The following USP30 variants were observed in gnomAD, a reference collection of about 807,000 sequenced individuals.
The protein encoded by USP30 is ubiquitin carboxyl-terminal hydrolase 30.
In USP30, 41 loss-of-function variants were observed where a neutral mutation model predicts 68.2. The observed-to-expected ratio is 0.60, with a 90% CI of 0.47 to 0.78. USP30 has a LOEUF of 0.78. Ranked by LOEUF, USP30 falls within the 30% of genes least tolerant of loss-of-function variation. The probability of loss-of-function intolerance (pLI) is 0.00; values close to 1 mark genes in which losing one functional copy is unlikely to be tolerated. For missense variants in USP30, 522 were observed against 649.4 expected, an observed-to-expected ratio of 0.80 and a Z score of 2.13; for synonymous variants, 229 against 253.7, an observed-to-expected ratio of 0.90 and a Z score of 0.93.
Position 109,057,926 on chromosome 12 carries a change from G to A in USP30, c.194G>A (p.Gly65Glu), listed in dbSNP as rs151089144. 203 of 1,604,550 alleles carry A rather than the reference G, an allele frequency of 1.3e-4. No homozygotes were observed. In the Middle Eastern group the frequency reaches 2.0e-3, roughly 16 times the overall value. The change falls in exon 3 of 13, where the codon GGG (glycine) becomes GAG (glutamate). Residue 65 changes from glycine to glutamate, a missense_variant and splice_region_variant. Gly to Glu is a moderately conservative substitution (Grantham distance 98). Coordinates refer to ENST00000257548, the MANE Select transcript of USP30 (RefSeq NM_032663.5). ...CTTCTTCCCCCTGCTTTTTTTTTAG[G>A]GCTTGTGCCTGGCCTTGTTAATTTA... ...PITERKKRRK[G>E]LVPGLVNLGN... is the part of the protein sequence containing the mutation.
At chr12:109,027,480 A>C (rs1254662248) in exon 3 of USP30, 1 of 152,086 alleles carries the variant, frequency 6.6e-6, no homozygotes, top group Non-Finnish European at 1.5e-5. Flanking sequence ...GAGTCTTGCT[A>C]TGTAACCCAG....
At chr12:109,067,095 C>G (rs2041278078) in intron 3 of USP30, among the ~76,000 whole-genome samples, 1 of 150,812 alleles carries the variant, frequency 6.6e-6, no homozygotes, top group Non-Finnish European at 1.5e-5. Flanking sequence ...AAGGTTAATC[C>G]TACAGTCCTT....
intron 1 of USP30, among the ~76,000 whole-genome samples, chr12:109,023,469 C>T (rs2040421408): frequency 6.6e-6 from 1 of 151,944 alleles, no homozygotes; most frequent in South Asian, 2.1e-4. Flanking sequence ...GCAGGAAAAT[C>T]GCTTGAAGCC....
chr12:109,059,588 A>G (rs1290075096), intron 3 of USP30, among the ~76,000 whole-genome samples: 2 of 152,158 alleles, frequency 1.3e-5, no homozygotes, highest in African/African-American at 2.4e-5. Flanking sequence ...ATCTCAGCTC[A>G]CTGCAACCTC....
At chr12:109,061,381 C>CT in intron 3 of USP30, among the ~76,000 whole-genome samples, 1 of 143,804 alleles carries the variant, frequency 7.0e-6, no homozygotes, top group East Asian at 2.1e-4. Context: ...TCCAATGTCT[C>CT]TAACTTTGGT....
At chr12:109,036,610 T>A (rs1386436027) in intron 3 of USP30, among the ~76,000 whole-genome samples, 3 of 152,220 alleles carry the variant, frequency 2.0e-5, no homozygotes, top group African/African-American at 7.2e-5. Context: ...GCAAGTCTGC[T>A]AGTGACAAGT....
At chr12:109,082,401 CAG>C (rs2041829976) in intron 9 of USP30, 1 of 547,504 alleles carries the variant, frequency 1.8e-6, no homozygotes, top group Non-Finnish European at 3.2e-6. Flanking sequence ...TTTTTGAAGA[CAG>C]AGAACAATTA....
In USP30 at chr12:109,067,610, T is replaced by G; in HGVS notation, c.463T>G (p.Ser155Ala). 1.9e-6 allele frequency: 3 copies of G among 1,614,028 alleles called. No homozygotes were observed. Among genetic ancestry groups the G allele is most frequent in the South Asian group, 2.2e-5 (2 of 91,076 alleles). ...CTTAAGAATGTACAGATGGCAGATCTCATCATTTGAAGAACAGGTGAGTAC... is the reference window on the plus strand; with the variant it reads ...CTTAAGAATGTACAGATGGCAGATCGCATCATTTGAAGAACAGGTGAGTAC... ...DVLRMYRWQI[S>A]SFEEQDAHEL... The change falls in exon 4 of 13, where the codon TCA (serine) becomes GCA (alanine). Residue 155 changes from serine to alanine, a missense_variant. Ser to Ala is a moderately conservative substitution (Grantham distance 99). Coordinates refer to ENST00000257548, the MANE Select transcript of USP30 (RefSeq NM_032663.5).
intron 3 of USP30, among the ~76,000 whole-genome samples, chr12:109,032,728 A>G (rs1288813285): frequency 6.6e-6 from 1 of 152,230 alleles, no homozygotes; most frequent in Non-Finnish European, 1.5e-5. Context: ...CTAAAAGTAG[A>G]TGTGATAGTT....
At chr12:109,039,302 T>C (rs969119644) in intron 3 of USP30, among the ~76,000 whole-genome samples, 1 of 152,218 alleles carries the variant, frequency 6.6e-6, no homozygotes, top group Non-Finnish European at 1.5e-5. Context: ...ATAGTGTACC[T>C]TCTATATTTT....
Position 109,083,054 on chromosome 12 carries a change from C to T in USP30, c.1160C>T (p.Pro387Leu). The change falls in exon 11 of 13, where the codon CCC becomes CTC. Residue 387 changes from proline (P) to leucine (L), a missense_variant. Pro to Leu is a moderately conservative substitution (Grantham distance 98). Transcript: ENST00000257548. The part of the protein sequence containing the change: ...TLELQDGPGA[P>L]TPVLNQPGAP... Reference sequence around the variant, plus strand: ...GAGCTGCAGGATGGGCCGGGAGCCCCCACACCAGGTGTGTGCGCGCGAGGA... The same window carrying T: ...GAGCTGCAGGATGGGCCGGGAGCCCTCACACCAGGTGTGTGCGCGCGAGGA... The T allele has an allele frequency of 1.9e-6, 3 of 1,609,350 alleles. No individual in the cohort carries two copies. Among genetic ancestry groups the T allele is most frequent in the East Asian group, 4.5e-5 (2 of 44,850 alleles).
At chr12:109,082,805 A>C in intron 10 of USP30, 38 bp from the exon 11 acceptor site, 1 of 1,610,120 alleles carries the variant, frequency 6.2e-7, no homozygotes, top group Non-Finnish European at 8.5e-7. Context: ...CCTGCCCCTG[A>C]AACAACTCGG....
chr12:109,087,926 G>T lies in USP30; in HGVS notation c.*1995G>T. 1 of 220,744 alleles carries T rather than the reference G, an allele frequency of 4.5e-6. No individual in the cohort carries two copies. The highest frequency in any genetic ancestry group is 8.8e-6 in the Non-Finnish European group (1 of 113,922). 13.7% of individuals were successfully genotyped at this position (220,744 alleles called of 1,614,324 possible). A position where few individuals can be genotyped will look rare whatever the true frequency, so the allele number is the denominator to read the frequency against. The stretch of plus-strand genomic sequence containing the variant: ...GGGAAAAACCTAAGTTAAACTAGTA[G>T]TTTTGCCATAATAACTGCTGATTTA... On this transcript the variant is annotated 3_prime_UTR_variant, in exon 13 of 13. Coordinates refer to ENST00000257548, the MANE Select transcript of USP30 (RefSeq NM_032663.5).
chr12:109,051,580 T>G (rs541996333), upstream of USP30, among the ~76,000 whole-genome samples: 14 of 145,952 alleles, frequency 9.6e-5, no homozygotes, highest in African/African-American at 3.5e-4. Flanking sequence ...CTCTTTTTTT[T>G]TTTTTTTGAG....
At chr12:109,028,070 T>C (rs1209433041) in intron 3 of USP30, among the ~76,000 whole-genome samples, 1 of 152,214 alleles carries the variant, frequency 6.6e-6, no homozygotes, top group African/African-American at 2.4e-5. Flanking sequence ...ATAATAGCCA[T>C]CCCAGTGGGT....
chr12:109,079,346 T>TTTTC lies in USP30; in HGVS notation c.721-1985_721-1984insCTTT, dbSNP rs1566103630. Among the ~76,000 whole-genome samples, 114 of 129,738 alleles carry TTTTC rather than the reference T, an allele frequency of 8.8e-4. 6 individuals are homozygous for TTTTC. The highest frequency in any genetic ancestry group is 1.1e-3 in the Non-Finnish European group (71 of 64,728). 85.1% of individuals were successfully genotyped at this position (129,738 alleles called of 152,430 possible). ...TTTTTTTCTTTTCTTTTTCTTTTTTTTTTTCTTTTTTTTTTTTTTTTTTTT... is the reference window on the plus strand; with the variant it reads ...TTTTTTTCTTTTCTTTTTCTTTTTTTTTTCTTTTCTTTTTTTTTTTTTTTTTTTT... On this transcript the variant is annotated intron_variant, in intron 7 of 12. Coordinates refer to ENST00000257548, the MANE Select transcript of USP30 (RefSeq NM_032663.5).
In USP30 at chr12:109,079,093, G is replaced by T. The variant is rs1454374986; in HGVS notation, c.721-2241G>T. On this transcript the variant is annotated intron_variant, in intron 7 of 12. Coordinates refer to ENST00000257548, the MANE Select transcript of USP30 (RefSeq NM_032663.5). ...ATTTATCTTATTTATCTTGTTTGGG[G>T]TTTGCTGAGTTTCTTAAATTTGTAC... 2.6e-5 allele frequency among the ~76,000 whole-genome samples: 4 copies of T among 151,896 alleles called. No individual in the cohort carries two copies. In the South Asian group the frequency reaches 8.3e-4, roughly 31 times the overall value.
intron 3 of USP30, among the ~76,000 whole-genome samples, chr12:109,042,280 TA>T (rs1394544401): frequency 2.0e-5 from 3 of 152,166 alleles, no homozygotes; most frequent in African/African-American, 7.2e-5. Flanking sequence ...ATTTTTTGAA[TA>T]AATATTGCAT....
intron 7 of USP30, 116 bp from the exon 8 acceptor site, chr12:109,081,218 C>A: frequency 1.1e-6 from 1 of 885,536 alleles, no homozygotes; most frequent in Non-Finnish European, 1.8e-6. Context: ...TTATATTTTA[C>A]TGTGTTAATG....
Sources: gnomAD v4.1 joint callset for allele counts (sites outside exome capture counted in the v4.1 genomes callset) on GRCh38, gnomAD v4.1.1 for gene constraint, MANE v1.5 for transcripts, NCBI Gene and HGNC (gene_info 2026-07-23, HGNC 2026-07-21) for gene names.